The following LRRN3 variants were observed in gnomAD, a reference collection of about 807,000 sequenced individuals.
LRRN3 encodes leucine rich repeat neuronal 3, also known as leucine-rich repeat neuronal protein 3.
LRRN3 carries 15 observed loss-of-function variants against 40.1 expected under a neutral mutation model. That is an observed-to-expected ratio of 0.37 (90% CI 0.25 to 0.58). The LOEUF (loss-of-function observed/expected upper bound fraction) is 0.58. LRRN3 is among the 20% of genes least tolerant of loss of function. LRRN3 has a pLI of 0.72. For synonymous variants in LRRN3, 308 were observed against 297.2 expected, an observed-to-expected ratio of 1.04 and a Z score of -0.37; for missense variants, 746 against 837.7, an observed-to-expected ratio of 0.89 and a Z score of 1.35.
In LRRN3 at chr7:111,117,137, A is replaced by G. The variant is rs549088828; in HGVS notation, c.-358-5278A>G. ...AATGACTAAAATTCACTGATCCTAA[A>G]TTTGTTAATGGCATGGGACTAGAGT... On this transcript the variant is annotated intron_variant, in intron 2 of 2. Coordinates refer to ENST00000308478, the MANE Select transcript of LRRN3 (RefSeq NM_001099658.2). Among the ~76,000 whole-genome samples, 15 of 152,258 alleles carry G rather than the reference A, an allele frequency of 9.9e-5. No homozygotes were observed. In the South Asian group the frequency reaches 2.5e-3, roughly 25 times the overall value.
At chr7:111,099,367 A>G (rs1166224784) in intron 1 of LRRN3, among the ~76,000 whole-genome samples, 1 of 151,750 alleles carries the variant, frequency 6.6e-6, no homozygotes, top group African/African-American at 2.4e-5. Flanking sequence ...TCAATTTTCA[A>G]TGAAATTCAT....
At chr7:111,114,235 T>C (rs891048632) in intron 2 of LRRN3, among the ~76,000 whole-genome samples, 5 of 152,078 alleles carry the variant, frequency 3.3e-5, no homozygotes, top group Admixed American at 1.3e-4. Context: ...TGTTTAAAAT[T>C]CTTCAAATTT....
At position 111,124,282 on chromosome 7, in the gene LRRN3, G is replaced by A. The variant is rs145624149; in HGVS notation, c.1510G>A (p.Ala504Thr). 45 of 1,613,886 alleles carry A rather than the reference G, an allele frequency of 2.8e-5. No homozygotes were observed. Among genetic ancestry groups the A allele is most frequent in the African/African-American group, 6.7e-5 (5 of 75,022 alleles). The stretch of plus-strand genomic sequence containing the variant: ...TTGTATAGCAACTAACCTAGTTGGC[G>A]CTGACTTGAAGTCTGTTATGATCAA... ...YTCIATNLVGADLKSVMIKVD... is the reference protein window; with the variant it reads ...YTCIATNLVGTDLKSVMIKVD... The change falls in exon 3 of 3, where the codon GCT becomes ACT. Residue 504 changes from alanine to threonine, a missense_variant. Transcript: ENST00000308478.
rs142139084 is a variant in LRRN3 at position 111,124,625 on chromosome 7, A to C, written c.1853A>C (p.Gln618Pro). 3.4e-4 allele frequency: 542 copies of C among 1,614,022 alleles called. No individual in the cohort carries two copies. Among genetic ancestry groups the C allele is most frequent in the Non-Finnish European group, 4.3e-4 (509 of 1,180,004 alleles). The change falls in exon 3 of 3, where the codon CAA becomes CCA. Residue 618 changes from glutamine (Q) to proline (P), a missense_variant. By Grantham distance (76) the Gln-to-Pro change is moderately conservative (BLOSUM62 -1). Coordinates refer to ENST00000308478, the MANE Select transcript of LRRN3 (RefSeq NM_001099658.2). ...ACCACCAAAGGTTTGCACCCTGATC[A>C]AAAAGAGTATGAAAAGAATAATACC... ...NVTTKGLHPD[Q>P]KEYEKNNTTT...
chr7:111,124,050 G>A lies in LRRN3; in HGVS notation c.1278G>A (p.Glu426=), dbSNP rs781311396. 2 of 1,614,064 alleles carry A rather than the reference G, an allele frequency of 1.2e-6. No homozygotes were observed. Among genetic ancestry groups the A allele is most frequent in the Non-Finnish European group, 1.7e-6 (2 of 1,179,982 alleles). ...TTTGTCTCCCTCTTATAGCTCCTGA[G>A]AGCTTTCCTTCTAATCTAAATGTAG... ...MEICLPLIAP[E]SFPSNLNVEA... is the part of the protein sequence containing the mutation. Residue 426 remains glutamate (E), a synonymous_variant, in exon 3 of 3, where the codon GAG becomes GAA. Transcript: ENST00000308478.
chr7:111,107,628 T>C (rs1586313583), intron 2 of LRRN3, among the ~76,000 whole-genome samples: 1 of 152,120 alleles, frequency 6.6e-6, no homozygotes, highest in Non-Finnish European at 1.5e-5. Context: ...CATGCTTTAA[T>C]TGGGGCACTA....
At chr7:111,122,286 T>G (rs1287466579) in intron 2 of LRRN3, 129 bp from the exon 3 acceptor site, 3 of 152,576 alleles carry the variant, frequency 2.0e-5, no homozygotes, top group African/African-American at 4.8e-5. Flanking sequence ...ACTGAAGTAC[T>G]TAAACTCTAA....
chr7:111,095,863 T>C (rs990274687), intron 1 of LRRN3, among the ~76,000 whole-genome samples: 7 of 151,930 alleles, frequency 4.6e-5, no homozygotes, highest in African/African-American at 1.7e-4. Context: ...ACAATAAATA[T>C]ATTATCAGGA....
At chr7:111,116,658 ACT>A (rs1372113765) in intron 2 of LRRN3, among the ~76,000 whole-genome samples, 2 of 152,138 alleles carry the variant, frequency 1.3e-5, no homozygotes, top group African/African-American at 4.8e-5. Flanking sequence ...CGATGTGATT[ACT>A]CTCACATAGC....
intron 2 of LRRN3, among the ~76,000 whole-genome samples, chr7:111,118,143 C>T (rs1430369171): frequency 2.0e-5 from 3 of 152,184 alleles, no homozygotes; most frequent in South Asian, 4.2e-4. Flanking sequence ...ATCAAATCTA[C>T]TGTGCATCAT....
chr7:111,093,298 A>G (rs1407926298), intron 1 of LRRN3, among the ~76,000 whole-genome samples: 1 of 152,148 alleles, frequency 6.6e-6, no homozygotes, highest in Non-Finnish European at 1.5e-5. Flanking sequence ...AAAAACCAAA[A>G]TGATTTATTA....
rs1801151989 is a variant in LRRN3, at chr7:111,125,067, T to C, written c.*168T>C. 5.6e-6 allele frequency: 3 copies of C among 533,276 alleles called. No homozygotes were observed. The South Asian group carries it at 1.0e-4, about 18-fold the overall frequency. 33.0% of individuals were successfully genotyped at this position (533,276 alleles called of 1,614,324 possible). A position where few individuals can be genotyped will look rare whatever the true frequency, so the allele number is the denominator to read the frequency against. Reference sequence around the variant, plus strand: ...CAATGCTGCTCCTGACCAATGGAAATATGTACAACTTCAGCATTTTAAGTA... The same window carrying C: ...CAATGCTGCTCCTGACCAATGGAAACATGTACAACTTCAGCATTTTAAGTA... On this transcript the variant is annotated 3_prime_UTR_variant, in exon 3 of 3. Coordinates refer to ENST00000308478, the MANE Select transcript of LRRN3 (RefSeq NM_001099658.2).
At position 111,125,223 on chromosome 7, in the gene LRRN3, A is replaced by G. The variant is rs1326174487; in HGVS notation, c.*324A>G. ...TCTGTATTTTTTTTAAGTAAATAAG[A>G]GTAGTTGAACTGAGCAATACCTCCT... On this transcript the variant is annotated 3_prime_UTR_variant, in exon 3 of 3. Transcript: ENST00000308478. 1 of 233,952 alleles carries G rather than the reference A, an allele frequency of 4.3e-6. No individual in the cohort carries two copies. Among genetic ancestry groups the G allele is most frequent in the East Asian group, 1.2e-4 (1 of 8,492 alleles). 14.5% of individuals were successfully genotyped at this position (233,952 alleles called of 1,614,324 possible).
rs1164237527 is a variant in LRRN3, at chr7:111,091,459, A to C, written c.-486A>C. On this transcript the variant is annotated 5_prime_UTR_variant, in exon 1 of 3. Transcript: ENST00000308478. Reference sequence around the variant, plus strand: ...CAACCAAGGAACTGAGGAATCCAGCACGCAAGGACATCGGAGGTGGGCTAG... The same window carrying C: ...CAACCAAGGAACTGAGGAATCCAGCCCGCAAGGACATCGGAGGTGGGCTAG... 1 of 152,190 alleles carries C rather than the reference A, an allele frequency of 6.6e-6. No individual in the cohort carries two copies. Among genetic ancestry groups the C allele is most frequent in the Non-Finnish European group, 1.5e-5 (1 of 68,030 alleles). The allele number at this position is 152,190 out of a possible 1,614,324, so 9.4% of individuals were successfully genotyped here. A position where few individuals can be genotyped will look rare whatever the true frequency, so the allele number is the denominator to read the frequency against.
intron 2 of LRRN3, among the ~76,000 whole-genome samples, chr7:111,105,835 A>T (rs1427776471): frequency 6.6e-6 from 1 of 151,888 alleles, no homozygotes; most frequent in African/African-American, 2.4e-5. Context: ...TGATAGGGCC[A>T]TTGTCTTTTA....
At chr7:111,110,304 A>T (rs1386143373) in intron 2 of LRRN3, among the ~76,000 whole-genome samples, 1 of 152,226 alleles carries the variant, frequency 6.6e-6, no homozygotes, top group African/African-American at 2.4e-5. Flanking sequence ...CAGTCATTAA[A>T]GAAAACCTCA....
chr7:111,123,052 C>T lies in LRRN3; in HGVS notation c.280C>T (p.Leu94Phe). The T allele has an allele frequency of 6.2e-7, 1 of 1,613,740 alleles. No individual in the cohort carries two copies. Among genetic ancestry groups the T allele is most frequent in the Non-Finnish European group, 8.5e-7 (1 of 1,179,868 alleles). The change falls in exon 3 of 3, where the codon CTT becomes TTT. Residue 94 changes from leucine (L) to phenylalanine (F), a missense_variant. Physicochemically the swap from Leu to Phe is conservative, Grantham distance 22. Coordinates refer to ENST00000308478, the MANE Select transcript of LRRN3 (RefSeq NM_001099658.2). The surrounding 1 kb of genome is among the most constrained non-coding windows in gnomAD (Gnocchi z 6.4). ...IEYSTDFPVN[L>F]TGLDLSQNNL... ...ATACTCCACAGACTTTCCAGTAAAC[C>T]TTACTGGCCTGGATTTATCTCAAAA...
chr7:111,103,024 C>G (rs1193475875), intron 2 of LRRN3, among the ~76,000 whole-genome samples: 1 of 151,496 alleles, frequency 6.6e-6, no homozygotes, highest in African/African-American at 2.4e-5. Flanking sequence ...TTTTTTAAGA[C>G]TACAGTGTCC....
intron 2 of LRRN3, among the ~76,000 whole-genome samples, chr7:111,120,702 A>T (rs1800492522): frequency 6.6e-6 from 1 of 152,248 alleles, no homozygotes; most frequent in African/African-American, 2.4e-5. Context: ...GTTAAACTTA[A>T]TCTTCTCTGA....
Sources: allele counts gnomAD v4.1 joint callset (sites outside exome capture counted in the v4.1 genomes callset), GRCh38; gene constraint gnomAD v4.1.1; non-coding constraint Gnocchi (gnomAD v3.1); transcripts MANE v1.5; gene names NCBI Gene and HGNC (gene_info 2026-07-23, HGNC 2026-07-21).